The following FGF13 variants were observed in gnomAD, a reference collection of about 807,000 sequenced individuals.
FGF13 encodes fibroblast growth factor 13.
FGF13 carries 2 observed loss-of-function variants against 19.5 expected under a neutral mutation model. The observed-to-expected ratio is 0.10, with a 90% CI of 0.04 to 0.32. The LOEUF is 0.32. Among genes scored for constraint, FGF13 ranks in the 10% least tolerant of loss-of-function variants. FGF13 has a pLI of 1.00. For synonymous variants in FGF13, 72 were observed against 76.9 expected, an observed-to-expected ratio of 0.94 and a Z score of 0.33; for missense variants, 113 against 192.7, an observed-to-expected ratio of 0.59 and a Z score of 2.45.
intron 1 of FGF13, among the ~76,000 whole-genome samples, chrX:138,903,675 T>A (rs190881295): frequency 3.6e-5 from 4 of 112,253 alleles, no homozygotes; most frequent in African/African-American, 9.7e-5. Context: ...TATGCCCATC[T>A]TAGTTCTATT....
Position 138,655,718 on chromosome X carries a change from ATAT to A in FGF13, c.403-20066_403-20064del, listed in dbSNP as rs201425271. ...GATACTGAATAATGATGGTAAAATAATATTATGCAATAAAATAATTTTAATTAA... is the reference window on the plus strand; with the variant it reads ...GATACTGAATAATGATGGTAAAATAATATGCAATAAAATAATTTTAATTAA... On this transcript the variant is annotated intron_variant, in intron 3 of 4. Coordinates refer to ENST00000315930, the MANE Select transcript of FGF13 (RefSeq NM_004114.5). 7.1e-3 allele frequency among the ~76,000 whole-genome samples: 794 copies of A among 111,719 alleles called. 5 individuals carry two copies. Among genetic ancestry groups the A allele is most frequent in the African/African-American group, 0.024 (728 of 30,609 alleles).
At chrX:139,046,550 G>C (rs1395834883) in intron 1 of FGF13, among the ~76,000 whole-genome samples, 1 of 111,333 alleles carries the variant, frequency 9.0e-6, no homozygotes, top group Non-Finnish European at 1.9e-5. Flanking sequence ...CCTTGGGTTT[G>C]CTGTCCTGAT....
At chrX:138,836,245 G>A (rs370268649) in intron 3 of FGF13, among the ~76,000 whole-genome samples, 18 of 112,080 alleles carry the variant, frequency 1.6e-4, no homozygotes, top group African/African-American at 5.5e-4. Flanking sequence ...AGCTAGGCTG[G>A]AGAAGTTCTC....
intron 1 of FGF13, among the ~76,000 whole-genome samples, chrX:138,935,572 C>G (rs1171082600): frequency 8.9e-6 from 1 of 111,914 alleles, no homozygotes; most frequent in Non-Finnish European, 1.9e-5. Context: ...TTTTGTACAG[C>G]CTGAGAGGTG....
chrX:138,836,885 T>G (rs1340274380), intron 3 of FGF13, among the ~76,000 whole-genome samples: 2 of 110,608 alleles, frequency 1.8e-5, no homozygotes, highest in African/African-American at 6.6e-5. Flanking sequence ...TGGTGGGTTT[T>G]TTTTTTTTTT....
At chrX:139,098,160 G>A (rs754806034) in intron 1 of FGF13, among the ~76,000 whole-genome samples, 43 of 111,488 alleles carry the variant, frequency 3.9e-4, no homozygotes, top group South Asian at 3.8e-3. Flanking sequence ...CAGTGACAGC[G>A]AGCATGGGCC....
At chrX:138,962,968 C>T (rs2091880543) in intron 1 of FGF13, among the ~76,000 whole-genome samples, 1 of 110,612 alleles carries the variant, frequency 9.0e-6, no homozygotes, top group Non-Finnish European at 1.9e-5. Context: ...ACGTTGTGCA[C>T]ATGTACCCAA....
At chrX:138,979,345 G>A (rs762624567) in intron 1 of FGF13, among the ~76,000 whole-genome samples, 1 of 110,964 alleles carries the variant, frequency 9.0e-6, no homozygotes, top group South Asian at 3.8e-4. Context: ...TTCTTTTTTC[G>A]AGGTATCAGT....
chrX:138,800,189 T>A (rs918658243), intron 3 of FGF13, among the ~76,000 whole-genome samples: 2 of 111,936 alleles, frequency 1.8e-5, no homozygotes, highest in African/African-American at 6.5e-5. Flanking sequence ...TATATTTTGA[T>A]ATGTTTTTGC....
At chrX:139,158,242 G>A in intron 1 of FGF13, among the ~76,000 whole-genome samples, 1 of 109,150 alleles carries the variant, frequency 9.2e-6, no homozygotes, top group South Asian at 4.0e-4. Flanking sequence ...AGTGGTGCCT[G>A]GAACACCAGA....
intron 1 of FGF13, among the ~76,000 whole-genome samples, chrX:139,163,224 G>A (rs1055090820): frequency 3.6e-5 from 4 of 111,735 alleles, no homozygotes; most frequent in African/African-American, 1.3e-4. Context: ...AAAAAAGGAT[G>A]AGTTTATGTC....
intron 1 of FGF13, among the ~76,000 whole-genome samples, chrX:139,194,742 C>T (rs1291925575): frequency 2.7e-5 from 3 of 111,744 alleles, no homozygotes; most frequent in African/African-American, 9.8e-5. Context: ...ACCATCTTAA[C>T]GCTGCTTCCC....
chrX:138,673,498 G>A (rs1439856842), intron 3 of FGF13, among the ~76,000 whole-genome samples: 1 of 111,617 alleles, frequency 9.0e-6, no homozygotes, highest in Non-Finnish European at 1.9e-5. Flanking sequence ...GGGGACAACG[G>A]TGGGAATTGC....
At chrX:138,923,575 T>G (rs1490432820) in intron 1 of FGF13, among the ~76,000 whole-genome samples, 1 of 111,518 alleles carries the variant, frequency 9.0e-6, no homozygotes, top group Non-Finnish European at 1.9e-5. Flanking sequence ...CAGGCCTTCT[T>G]TGCTGCCCTT....
At chrX:138,965,548 C>T (rs752969114) in intron 1 of FGF13, among the ~76,000 whole-genome samples, 1 of 112,255 alleles carries the variant, frequency 8.9e-6, no homozygotes, top group Non-Finnish European at 1.9e-5. Context: ...TTCTTGCATT[C>T]TTTCACCAAG....
rs2089056288 is a variant in FGF13, at chrX:138,625,653, C to T, written c.*7197G>A. 2 of 106,479 alleles carry T rather than the reference C, an allele frequency of 1.9e-5. No individual in the cohort carries two copies. Among genetic ancestry groups the T allele is most frequent in the South Asian group, 4.2e-4 (1 of 2,391 alleles). 8.8% of individuals were successfully genotyped at this position (106,479 alleles called of 1,213,427 possible). ...GAAAAAAGAAAAAAATGCTACATGA[C>T]ATCCTTTGTATAAAAAGAATCTTAA... On this transcript the variant is annotated 3_prime_UTR_variant, in exon 5 of 5. Coordinates refer to ENST00000315930, the MANE Select transcript of FGF13 (RefSeq NM_004114.5).
intron 1 of FGF13, among the ~76,000 whole-genome samples, chrX:139,170,212 C>A (rs1393134552): frequency 1.8e-5 from 2 of 111,892 alleles, no homozygotes; most frequent in Admixed American, 1.9e-4. Flanking sequence ...CTCTAAGCCC[C>A]AAACACTGTT....
At chrX:138,933,986 C>G (rs776566650) in intron 1 of FGF13, among the ~76,000 whole-genome samples, 3 of 112,277 alleles carry the variant, frequency 2.7e-5, no homozygotes, top group Non-Finnish European at 5.6e-5. Flanking sequence ...TTTTAATTTT[C>G]TATGTCTTAC....
chrX:139,080,379 ATACT>A (rs2083362573), intron 1 of FGF13, among the ~76,000 whole-genome samples: 1 of 111,918 alleles, frequency 8.9e-6, no homozygotes, highest in Non-Finnish European at 1.9e-5. Flanking sequence ...TCCACATTCA[ATACT>A]TGTGTAGAAG....
Sources: allele counts gnomAD v4.1 joint callset (sites outside exome capture counted in the v4.1 genomes callset), GRCh38; gene constraint gnomAD v4.1.1; transcripts MANE v1.5; gene names NCBI Gene and HGNC (gene_info 2026-07-23, HGNC 2026-07-21).